Variants in CDK5RAP1 observed in about 807,000 individuals in gnomAD.
The protein encoded by CDK5RAP1 is CDK5RAP1 mitochondrial tRNA methylthiotransferase, also known as mitochondrial tRNA methylthiotransferase CDK5RAP1.
CDK5RAP1 carries 62 observed loss-of-function variants against 64.5 expected under a neutral mutation model. That is an observed-to-expected ratio of 0.96 (90% CI 0.78 to 1.19). The LOEUF (loss-of-function observed/expected upper bound fraction) is 1.19, where lower values mean the gene tolerates loss of function less well. Among genes scored for constraint, CDK5RAP1 ranks in the 50% most tolerant of loss-of-function variants. The pLI is 0.00. For missense variants in CDK5RAP1, 657 were observed against 735.0 expected (o/e 0.89, Z 1.23); for synonymous variants, 250 against 261.9 (o/e 0.95, Z 0.44).
At chr20:33,366,534 C>T (rs1348397008) in intron 12 of CDK5RAP1, among the ~76,000 whole-genome samples, 1 of 152,060 alleles carries the variant, frequency 6.6e-6, no homozygotes, top group African/African-American at 2.4e-5. Flanking sequence ...ATCGCTTGAA[C>T]CTGGGAAGCA....
At chr20:33,377,921 G>A (rs1376546769) in intron 8 of CDK5RAP1, among the ~76,000 whole-genome samples, 1 of 152,170 alleles carries the variant, frequency 6.6e-6, no homozygotes, top group Admixed American at 6.5e-5. Flanking sequence ...CAAAATGCTG[G>A]GATTAAAGGT....
chr20:33,397,082 A>G lies in CDK5RAP1; in HGVS notation c.-18T>C. The G allele has an allele frequency of 6.3e-7, 1 of 1,576,030 alleles. No individual in the cohort carries two copies. Among genetic ancestry groups the G allele is most frequent in the Non-Finnish European group, 8.6e-7 (1 of 1,162,594 alleles). Reference sequence around the variant, plus strand: ...GGGTGCATGGCACTAAACAGCCCACAGTCTGCAAAAGAATGACAGACATCA... The same window carrying G: ...GGGTGCATGGCACTAAACAGCCCACGGTCTGCAAAAGAATGACAGACATCA... On this transcript the variant is annotated splice_region_variant and 5_prime_UTR_variant, in exon 2 of 14. Transcript: ENST00000346416.
intron 2 of CDK5RAP1, among the ~76,000 whole-genome samples, chr20:33,395,487 C>T (rs1209078374): frequency 6.6e-6 from 1 of 152,074 alleles, no homozygotes; most frequent in Non-Finnish European, 1.5e-5. Context: ...CCTGTGGTCC[C>T]AGCTACTCAG....
chr20:33,385,805 G>A (rs763719949), intron 6 of CDK5RAP1, 35 bp from the exon 7 acceptor site: 2 of 1,593,958 alleles, frequency 1.3e-6, no homozygotes, highest in Admixed American at 1.7e-5. Context: ...AGTAACAGTA[G>A]CAGGGTGTGC....
chr20:33,393,465 G>A (rs1028312306), intron 4 of CDK5RAP1, among the ~76,000 whole-genome samples: 1 of 151,820 alleles, frequency 6.6e-6, no homozygotes, highest in Non-Finnish European at 1.5e-5. Context: ...GGTTCATTTC[G>A]GAATCACCCA....
chr20:33,399,559 C>T (rs182318095), intron 1 of CDK5RAP1, among the ~76,000 whole-genome samples: 2 of 152,374 alleles, frequency 1.3e-5, no homozygotes, highest in East Asian at 3.9e-4. Flanking sequence ...TTCATTTCTA[C>T]ACCTTCACCA....
chr20:33,364,377 C>T (rs999624279), intron 12 of CDK5RAP1, among the ~76,000 whole-genome samples: 1 of 151,518 alleles, frequency 6.6e-6, no homozygotes, highest in Non-Finnish European at 1.5e-5. Context: ...TTAGTAGAGA[C>T]GGGGTTTCAC....
chr20:33,394,999 G>C lies in CDK5RAP1; in HGVS notation c.408+14C>G. The C allele has an allele frequency of 6.8e-7, 1 of 1,466,982 alleles. No individual in the cohort carries two copies. Among genetic ancestry groups the C allele is most frequent in the African/African-American group, 1.4e-5 (1 of 72,216 alleles). 90.9% of individuals were successfully genotyped at this position (1,466,982 alleles called of 1,614,324 possible). A position where few individuals can be genotyped will look rare whatever the true frequency, so the allele number is the denominator to read the frequency against. ...CCAGGTCCAGGAAACAAAGGAAATA[G>C]GAAATGCATGTACCTCTTGGAGGTT... On this transcript the variant is annotated intron_variant, in intron 3 of 13. Transcript: ENST00000346416.
chr20:33,395,810 C>G (rs1988848778), intron 2 of CDK5RAP1, among the ~76,000 whole-genome samples: 1 of 152,030 alleles, frequency 6.6e-6, no homozygotes, highest in Admixed American at 6.6e-5. Context: ...GTCAGGAGTT[C>G]GAGACCAGCC....
At chr20:33,359,197 A>C (rs1982447499) in intron 13 of CDK5RAP1, 74 bp from the exon 14 acceptor site, 3 of 1,134,562 alleles carry the variant, frequency 2.6e-6, no homozygotes, top group Non-Finnish European at 2.6e-6. Context: ...GAGCCTCTAG[A>C]GGAGAAGCCC....
At chr20:33,395,209 C>G (rs999662511) in intron 2 of CDK5RAP1, 93 bp from the exon 3 acceptor site, 2 of 738,296 alleles carry the variant, frequency 2.7e-6, no homozygotes, top group Non-Finnish European at 4.9e-6. Context: ...CTAGAAATAT[C>G]TGAGGCATCT....
chr20:33,370,985 A>G (rs542804649), intron 10 of CDK5RAP1, among the ~76,000 whole-genome samples: 1 of 152,332 alleles, frequency 6.6e-6, no homozygotes, highest in South Asian at 2.1e-4. Flanking sequence ...TTGGTTTGAT[A>G]CAATGGTCAT....
At chr20:33,359,470 A>G (rs1982499009) in intron 13 of CDK5RAP1, 1 of 219,154 alleles carries the variant, frequency 4.6e-6, no homozygotes, top group African/African-American at 2.3e-5. Context: ...CTTCCTTAGG[A>G]TATTTACAGC....
intron 10 of CDK5RAP1, among the ~76,000 whole-genome samples, chr20:33,370,964 T>C (rs1471928200): frequency 2.0e-5 from 3 of 152,180 alleles, no homozygotes; most frequent in African/African-American, 4.8e-5. Flanking sequence ...TACAAAAATA[T>C]ATTTCTGAAT....
At chr20:33,380,031 T>G (rs1204398204) in intron 7 of CDK5RAP1, among the ~76,000 whole-genome samples, 5 of 152,204 alleles carry the variant, frequency 3.3e-5, no homozygotes, top group Non-Finnish European at 5.9e-5. Context: ...ATATAAAGTA[T>G]TCTCACCAGA....
chr20:33,375,338 G>C (rs1985809987), intron 8 of CDK5RAP1, among the ~76,000 whole-genome samples: 1 of 150,078 alleles, frequency 6.7e-6, no homozygotes, highest in Non-Finnish European at 1.5e-5. Context: ...GGAGGCAGAG[G>C]TTGCAGTGAG....
At chr20:33,397,209 T>A (rs1039708313) in intron 1 of CDK5RAP1, 125 bp from the exon 2 acceptor site, 14 of 625,534 alleles carry the variant, frequency 2.2e-5, no homozygotes, top group Non-Finnish European at 3.0e-5. Flanking sequence ...GTACTCCTAA[T>A]AATATGACCT....
chr20:33,361,674 GCCAGGCGC>G (rs1982941241), intron 12 of CDK5RAP1, among the ~76,000 whole-genome samples: 2 of 115,124 alleles, frequency 1.7e-5, no homozygotes, highest in African/African-American at 6.9e-5. Context: ...AGTTTTTCTG[GCCAGGCGC>G]AGTGGCTCAC....
In CDK5RAP1 at chr20:33,385,699, C is replaced by T; in HGVS notation, c.827G>A (p.Ser276Asn). 2.5e-6 allele frequency: 4 copies of T among 1,614,182 alleles called. No individual in the cohort carries two copies. The highest frequency in any genetic ancestry group is 3.4e-6 in the Non-Finnish European group (4 of 1,179,988). ...CTCTAGAATGGAGGCAATAGGCCGA[C>T]TCCTCTCCCTGCCCCGGGTGAAAGG... ...IVPFTRGRERSRPIASILEEV... is the reference protein window; with the variant it reads ...IVPFTRGRERNRPIASILEEV... Residue 276 changes from serine to asparagine, a missense_variant, in exon 7 of 14, where the codon AGT becomes AAT. Coordinates refer to ENST00000346416, the MANE Select transcript of CDK5RAP1 (RefSeq NM_016408.4).
Sources: allele counts gnomAD v4.1 joint callset (sites outside exome capture counted in the v4.1 genomes callset), GRCh38; gene constraint gnomAD v4.1.1; transcripts MANE v1.5; gene names NCBI Gene and HGNC (gene_info 2026-07-23, HGNC 2026-07-21).